Variants in SLC12A1 observed in about 807,000 individuals in gnomAD.
SLC12A1 encodes Na-K-2Cl cotransporter.
In SLC12A1, 89 loss-of-function variants were observed where a neutral mutation model predicts 130.4. The ratio of observed to expected loss-of-function variants is 0.68; its 90% confidence interval spans 0.58 to 0.81. The LOEUF is 0.81. Ranked by LOEUF, SLC12A1 falls within the 40% of genes least tolerant of loss-of-function variation. SLC12A1 has a pLI of 0.00. For missense variants in SLC12A1, 1,310 were observed against 1,336.4 expected, an observed-to-expected ratio of 0.98 and a Z score of 0.31; for synonymous variants, 499 against 460.0, an observed-to-expected ratio of 1.08 and a Z score of -1.09.
intron 13 of SLC12A1, 50 bp from the exon 14 acceptor site, chr15:48,249,525 C>T (rs2041623503): frequency 1.5e-6 from 2 of 1,343,486 alleles, no homozygotes; most frequent in East Asian, 2.3e-5. Context: ...GCTGTTCAGC[C>T]CCTGGTCTCA....
chr15:48,260,090 C>A (rs979602765), intron 17 of SLC12A1, among the ~76,000 whole-genome samples: 1 of 151,958 alleles, frequency 6.6e-6, no homozygotes, highest in Non-Finnish European at 1.5e-5. Flanking sequence ...CATGGCAAAA[C>A]CCTCTCTCTA....
At chr15:48,289,459 A>C (rs188233633) in intron 23 of SLC12A1, among the ~76,000 whole-genome samples, 3 of 130,940 alleles carry the variant, frequency 2.3e-5, no homozygotes, top group African/African-American at 6.7e-5. Context: ...TGTATAATGT[A>C]TAATGTATAA....
intron 15 of SLC12A1, among the ~76,000 whole-genome samples, chr15:48,255,413 G>A (rs548230742): frequency 2.6e-4 from 39 of 150,558 alleles, no homozygotes; most frequent in Non-Finnish European, 7.4e-5. Flanking sequence ...ACTCCAGCCT[G>A]CTGACAGAGT....
rs777199828 is a variant in SLC12A1, at chr15:48,207,862, C to A, written c.143C>A (p.Thr48Asn). 5 of 1,613,956 alleles carry A rather than the reference C, an allele frequency of 3.1e-6. No individual in the cohort carries two copies. The highest frequency in any genetic ancestry group is 4.5e-5 in the East Asian group (2 of 44,890). The change falls in exon 2 of 27, where the codon ACC becomes AAC. Residue 48 changes from threonine (T) to asparagine (N), a missense_variant. By Grantham distance (65) the Thr-to-Asn change is moderately conservative. Coordinates refer to ENST00000380993, the MANE Select transcript of SLC12A1 (RefSeq NM_000338.3). Reference protein sequence around the residue: ...DNTDPPHYEETSFGDEAQKRL... With the variant: ...DNTDPPHYEENSFGDEAQKRL... ...ACTGACCCACCACATTATGAAGAAACCTCTTTTGGGGATGAAGCTCAGAAA... is the reference window on the plus strand; with the variant it reads ...ACTGACCCACCACATTATGAAGAAAACTCTTTTGGGGATGAAGCTCAGAAA...
chr15:48,251,302 G>A (rs868497059), intron 14 of SLC12A1, among the ~76,000 whole-genome samples: 1 of 151,396 alleles, frequency 6.6e-6, no homozygotes, highest in South Asian at 2.1e-4. Flanking sequence ...GCTCCTGATG[G>A]CATAGATACT....
At chr15:48,215,386 C>G (rs2041109083) in intron 2 of SLC12A1, among the ~76,000 whole-genome samples, 1 of 152,088 alleles carries the variant, frequency 6.6e-6, no homozygotes, top group Non-Finnish European at 1.5e-5. Flanking sequence ...CCTTAACACA[C>G]AGTTAAAATT....
Position 48,226,506 on chromosome 15 carries a change from C to T in SLC12A1, c.659C>T (p.Thr220Ile). The T allele has an allele frequency of 6.2e-7, 1 of 1,602,012 alleles. No homozygotes were observed. Among genetic ancestry groups the T allele is most frequent in the Non-Finnish European group, 8.5e-7 (1 of 1,175,000 alleles). Reference sequence around the variant, plus strand: ...GGAGTTCTCATAATTCTTCTTTCCACCATGGTAACTTCTATTACTGGGTTG... The same window carrying T: ...GGAGTTCTCATAATTCTTCTTTCCATCATGGTAACTTCTATTACTGGGTTG... ...GLGVLIILLS[T>I]MVTSITGLST... Residue 220 changes from threonine to isoleucine, a missense_variant, in exon 5 of 27, where the codon ACC becomes ATC. By Grantham distance (89) the Thr-to-Ile change is moderately conservative. Coordinates refer to ENST00000380993, the MANE Select transcript of SLC12A1 (RefSeq NM_000338.3).
chr15:48,267,565 C>T lies in SLC12A1; in HGVS notation c.2159C>T (p.Pro720Leu), dbSNP rs770624046. ...ATATTTCATTGTGTCACACAGGGAC[C>T]GCGCAAACTGTGTGTTAAGGAGATG... is the stretch of plus-strand genomic sequence containing the variant. ...LCICCEVFVG[P>L]RKLCVKEMNS... The change falls in exon 18 of 27, where the codon CCG (proline) becomes CTG (leucine). Residue 720 changes from proline (P) to leucine (L), a missense_variant. Coordinates refer to ENST00000380993, the MANE Select transcript of SLC12A1 (RefSeq NM_000338.3). The T allele has an allele frequency of 2.9e-5, 46 of 1,613,118 alleles. No homozygotes were observed. The highest frequency in any genetic ancestry group is 1.6e-4 in the East Asian group (7 of 44,876).
At chr15:48,285,017 T>C (rs1374468787) in intron 20 of SLC12A1, 89 bp from the exon 21 acceptor site, 1 of 984,138 alleles carries the variant, frequency 1.0e-6, no homozygotes, top group East Asian at 2.5e-5. Context: ...ATCACATACA[T>C]ACCATTTTAA....
At chr15:48,223,781 C>T (rs2041247114) in intron 4 of SLC12A1, 1 of 152,224 alleles carries the variant, frequency 6.6e-6, no homozygotes, top group African/African-American at 2.4e-5. Context: ...CTGCTCACCA[C>T]AGTATCCCTG....
At chr15:48,288,811 T>G (rs1169977685) in intron 23 of SLC12A1, among the ~76,000 whole-genome samples, 1 of 152,220 alleles carries the variant, frequency 6.6e-6, no homozygotes, top group African/African-American at 2.4e-5. Context: ...ATAATGCTTA[T>G]TTTGTTCTGA....
At chr15:48,260,348 T>TCA (rs10673427) in intron 17 of SLC12A1, among the ~76,000 whole-genome samples, 13,040 of 144,010 alleles carry the variant, frequency 0.091, 940 homozygotes, top group East Asian at 0.32. Flanking sequence ...TCTCTCTCTA[T>TCA]CACACACACA....
chr15:48,263,336 T>C (rs2141081654), intron 17 of SLC12A1, among the ~76,000 whole-genome samples: 1 of 152,348 alleles, frequency 6.6e-6, no homozygotes, highest in South Asian at 2.1e-4. Flanking sequence ...TTGCTTGTCT[T>C]ACCTTGCAAA....
At chr15:48,289,844 G>A (rs1235747337) in intron 23 of SLC12A1, among the ~76,000 whole-genome samples, 1 of 152,064 alleles carries the variant, frequency 6.6e-6, no homozygotes, top group Admixed American at 6.6e-5. Context: ...TGAATGTGAG[G>A]CCCCAGGACA....
intron 16 of SLC12A1, among the ~76,000 whole-genome samples, chr15:48,257,918 T>C (rs1372772989): frequency 6.6e-6 from 1 of 152,186 alleles, no homozygotes; most frequent in Non-Finnish European, 1.5e-5. Context: ...CTACTGCAAA[T>C]TTTTCCAACT....
chr15:48,207,639 T>G lies in SLC12A1; in HGVS notation c.-81T>G. ...GAGCTCCCTAATGGAAGCACATTAG[T>G]GTTTATTTTGATGAAGAAATATATA... is the stretch of plus-strand genomic sequence containing the variant. On this transcript the variant is annotated 5_prime_UTR_variant, in exon 2 of 27. Coordinates refer to ENST00000380993, the MANE Select transcript of SLC12A1 (RefSeq NM_000338.3). The G allele has an allele frequency of 8.3e-7, 1 of 1,210,600 alleles. No homozygotes were observed. Among genetic ancestry groups the G allele is most frequent in the Non-Finnish European group, 1.1e-6 (1 of 893,156 alleles). 75.0% of individuals were successfully genotyped at this position (1,210,600 alleles called of 1,614,324 possible). A position where few individuals can be genotyped will look rare whatever the true frequency, so the allele number is the denominator to read the frequency against.
chr15:48,236,681 T>A (rs1597415714), intron 9 of SLC12A1, among the ~76,000 whole-genome samples: 1 of 152,296 alleles, frequency 6.6e-6, no homozygotes, highest in Middle Eastern at 3.4e-3. Context: ...AGTGCTATGG[T>A]AAATTCTCCA....
chr15:48,214,193 C>T (rs1373137338), intron 2 of SLC12A1, among the ~76,000 whole-genome samples: 1 of 152,114 alleles, frequency 6.6e-6, no homozygotes, highest in Non-Finnish European at 1.5e-5. Flanking sequence ...AGAGTTCATT[C>T]TGATACTTTA....
intron 24 of SLC12A1, among the ~76,000 whole-genome samples, chr15:48,292,164 A>C (rs1436624130): frequency 6.6e-6 from 1 of 152,246 alleles, no homozygotes; most frequent in Non-Finnish European, 1.5e-5. Context: ...ACGAAGTGCA[A>C]GGTCATACTA....
Sources: allele counts gnomAD v4.1 joint callset (sites outside exome capture counted in the v4.1 genomes callset), GRCh38; gene constraint gnomAD v4.1.1; transcripts MANE v1.5; gene names NCBI Gene and HGNC (gene_info 2026-07-23, HGNC 2026-07-21).